VTI1A: variants seen among roughly 807,000 people sequenced by gnomAD.
VTI1A encodes the protein vesicle transport through interaction with t-SNAREs homolog 1A.
In VTI1A, 22 loss-of-function variants were observed where a neutral mutation model predicts 34.9. The observed-to-expected ratio is 0.63, with a 90% CI of 0.45 to 0.90. The LOEUF (loss-of-function observed/expected upper bound fraction) is 0.90, where lower values mean the gene tolerates loss of function less well. VTI1A is among the 40% of genes least tolerant of loss of function. VTI1A has a pLI of 0.00. For missense variants in VTI1A, 268 were observed against 275.6 expected (o/e 0.97, Z 0.20); for synonymous variants, 87 against 97.3 (o/e 0.89, Z 0.62).
intron 7 of VTI1A, among the ~76,000 whole-genome samples, chr10:112,769,382 T>A (rs989572435): frequency 6.6e-6 from 1 of 152,316 alleles, no homozygotes. Context: ...TGTCGTTTAA[T>A]CTGCAGGGTC....
At chr10:112,690,770 G>A (rs1332993375) in intron 7 of VTI1A, among the ~76,000 whole-genome samples, 1 of 152,188 alleles carries the variant, frequency 6.6e-6, no homozygotes, top group Non-Finnish European at 1.5e-5. Flanking sequence ...TCACAGGACT[G>A]GGCCTGTAGA....
intron 3 of VTI1A, among the ~76,000 whole-genome samples, chr10:112,468,958 G>A (rs1458926289): frequency 6.6e-6 from 1 of 152,076 alleles, no homozygotes; most frequent in Non-Finnish European, 1.5e-5. Flanking sequence ...TTCTCTATCT[G>A]GATAATTGTA....
At chr10:112,748,851 G>A (rs552869401) in intron 7 of VTI1A, among the ~76,000 whole-genome samples, 6 of 151,542 alleles carry the variant, frequency 4.0e-5, no homozygotes, top group Non-Finnish European at 8.8e-5. Flanking sequence ...GGTTGGTCTC[G>A]ATCTCCTGAC....
intron 4 of VTI1A, among the ~76,000 whole-genome samples, chr10:112,536,946 G>A (rs1850648364): frequency 6.6e-6 from 1 of 152,080 alleles, no homozygotes; most frequent in Non-Finnish European, 1.5e-5. Flanking sequence ...ATCCCTGGCT[G>A]CTAGAGCTTG....
chr10:112,714,695 A>G (rs1849543150), intron 7 of VTI1A, among the ~76,000 whole-genome samples: 1 of 152,254 alleles, frequency 6.6e-6, no homozygotes, highest in South Asian at 2.1e-4. Context: ...TGAAGAAAAC[A>G]GTTAAGTAAA....
At chr10:112,521,825 A>C (rs1385800499) in intron 3 of VTI1A, among the ~76,000 whole-genome samples, 1 of 152,186 alleles carries the variant, frequency 6.6e-6, no homozygotes, top group South Asian at 2.1e-4. Flanking sequence ...TGATAAACAA[A>C]AATTCATAAG....
chr10:112,752,378 C>A (rs985778283), intron 7 of VTI1A: 33 of 985,290 alleles, frequency 3.3e-5, no homozygotes, highest in Non-Finnish European at 4.0e-5. Flanking sequence ...ATTACATTAT[C>A]GACTAGTCTG....
At chr10:112,737,992 A>C in intron 7 of VTI1A, 1 of 649,998 alleles carries the variant, frequency 1.5e-6, no homozygotes, top group East Asian at 1.4e-4. Context: ...ATGTCCAGAG[A>C]TCAAGATGAG....
intron 5 of VTI1A, among the ~76,000 whole-genome samples, chr10:112,652,148 A>C (rs1847051284): frequency 6.6e-6 from 1 of 152,256 alleles, no homozygotes; most frequent in Admixed American, 6.5e-5. Context: ...GTATGGTTGC[A>C]GCAGTGCTTA....
At chr10:112,584,701 G>A (rs1844080605) in intron 5 of VTI1A, among the ~76,000 whole-genome samples, 1 of 152,182 alleles carries the variant, frequency 6.6e-6, no homozygotes, top group Non-Finnish European at 1.5e-5. Context: ...CTCTTGATAA[G>A]CATTTCCTCC....
intron 7 of VTI1A, among the ~76,000 whole-genome samples, chr10:112,746,016 T>G (rs907421671): frequency 1.3e-5 from 2 of 152,182 alleles, no homozygotes; most frequent in African/African-American, 2.4e-5. Flanking sequence ...TATCCCACCT[T>G]AGTGCTCAGT....
Position 112,546,146 on chromosome 10 carries a change from C to T in VTI1A, c.427+7816C>T, listed in dbSNP as rs1437844105. Reference sequence around the variant, plus strand: ...TGTATTTTGCATATATATGTGTGTGCGTATATATGTGTGTATATATATACA... The same window carrying T: ...TGTATTTTGCATATATATGTGTGTGTGTATATATGTGTGTATATATATACA... On this transcript the variant is annotated intron_variant, in intron 5 of 7. Coordinates refer to ENST00000393077, the MANE Select transcript of VTI1A (RefSeq NM_145206.4). Among the ~76,000 whole-genome samples, 4 of 147,012 alleles carry T rather than the reference C, an allele frequency of 2.7e-5. 1 individual carries two copies. Among genetic ancestry groups the T allele is most frequent in the East Asian group, 4.1e-4 (2 of 4,906 alleles).
In VTI1A at chr10:112,474,924, C is replaced by A. The variant is rs1218629999; in HGVS notation, c.264+10267C>A. Among the ~76,000 whole-genome samples, 4 of 152,168 alleles carry A rather than the reference C, an allele frequency of 2.6e-5. No individual in the cohort carries two copies. The East Asian group carries it at 7.7e-4, about 29-fold the overall frequency. ...CTCCCATTAATTTCAAAGGCCAACACAGGAAAGGGACCCATCAGGTAGAGA... is the reference window on the plus strand; with the variant it reads ...CTCCCATTAATTTCAAAGGCCAACAAAGGAAAGGGACCCATCAGGTAGAGA... On this transcript the variant is annotated intron_variant, in intron 3 of 7. Coordinates refer to ENST00000393077, the MANE Select transcript of VTI1A (RefSeq NM_145206.4).
chr10:112,610,993 G>C (rs1845286911), intron 5 of VTI1A, among the ~76,000 whole-genome samples: 1 of 151,924 alleles, frequency 6.6e-6, no homozygotes, highest in South Asian at 2.1e-4. Flanking sequence ...TCCAACACGT[G>C]AAATGAAAAT....
chr10:112,617,777 T>C (rs546672058), intron 5 of VTI1A, among the ~76,000 whole-genome samples: 2 of 152,278 alleles, frequency 1.3e-5, no homozygotes, highest in East Asian at 3.9e-4. Context: ...TGTATTTCTA[T>C]TTAAAAGCCA....
chr10:112,493,591 T>TGTTA (rs1223896992), intron 3 of VTI1A, among the ~76,000 whole-genome samples: 2 of 152,190 alleles, frequency 1.3e-5, no homozygotes, highest in African/African-American at 4.8e-5. Flanking sequence ...ATTAGAATGA[T>TGTTA]GTTAGCTACA....
chr10:112,654,397 G>A (rs749445429), intron 5 of VTI1A, among the ~76,000 whole-genome samples: 5 of 151,856 alleles, frequency 3.3e-5, no homozygotes, highest in African/African-American at 4.8e-5. Context: ...CTTTTACCAC[G>A]CATACATCTC....
chr10:112,499,297 C>A (rs930421029), intron 3 of VTI1A, among the ~76,000 whole-genome samples: 1 of 152,118 alleles, frequency 6.6e-6, no homozygotes, highest in Non-Finnish European at 1.5e-5. Context: ...GATTCCCTCC[C>A]TCCTTCTTGA....
chr10:112,616,281 A>G (rs1845510389), intron 5 of VTI1A, among the ~76,000 whole-genome samples: 1 of 152,180 alleles, frequency 6.6e-6, no homozygotes, highest in South Asian at 2.1e-4. Context: ...GTACATGCAC[A>G]TTTGCATATA....
Sources: gnomAD v4.1 joint callset for allele counts (sites outside exome capture counted in the v4.1 genomes callset) on GRCh38, gnomAD v4.1.1 for gene constraint, MANE v1.5 for transcripts, NCBI Gene and HGNC (gene_info 2026-07-23, HGNC 2026-07-21) for gene names.